Variants in CDH7 observed in about 807,000 individuals in gnomAD.
CDH7 encodes cadherin-7.
CDH7 carries 25 observed loss-of-function variants against 71.8 expected under a neutral mutation model. That is an observed-to-expected ratio of 0.35 (90% CI 0.25 to 0.49). The LOEUF is 0.49. Among genes scored for constraint, CDH7 ranks in the 20% least tolerant of loss-of-function variants. The probability of loss-of-function intolerance (pLI) is 0.99; values close to 1 mark genes in which losing one functional copy is unlikely to be tolerated. For synonymous variants in CDH7, 381 were observed against 363.8 expected (o/e 1.05, Z -0.54); for missense variants, 862 against 974.6 (o/e 0.88, Z 1.54).
intron 2 of CDH7, among the ~76,000 whole-genome samples, chr18:65,768,089 T>A (rs867688443): frequency 2.6e-5 from 4 of 152,216 alleles, no homozygotes; most frequent in Non-Finnish European, 5.9e-5. Flanking sequence ...TTCCTGATTG[T>A]CTGTGTATGT....
At chr18:65,824,559 A>G in intron 5 of CDH7, 85 bp from the exon 6 acceptor site, 1 of 842,058 alleles carries the variant, frequency 1.2e-6, no homozygotes, top group Non-Finnish European at 1.8e-6. Context: ...AAGTTGTGCT[A>G]CAATGATGCC....
chr18:65,796,894 AAG>A (rs1910936917), intron 2 of CDH7, among the ~76,000 whole-genome samples: 2 of 152,308 alleles, frequency 1.3e-5, no homozygotes, highest in South Asian at 4.2e-4. Context: ...AGAAGGAGTG[AAG>A]AGTCAAACTG....
intron 11 of CDH7, among the ~76,000 whole-genome samples, chr18:65,869,545 A>ATTTTTTTTTTTT (rs10696115): frequency 7.2e-4 from 66 of 91,376 alleles, no homozygotes; most frequent in African/African-American, 1.2e-3. Flanking sequence ...AAGTGGGTCA[A>ATTTTTTTTTTTT]TTTTTTTTTT....
chr18:65,818,661 T>C (rs991019833), intron 4 of CDH7, among the ~76,000 whole-genome samples: 9 of 152,198 alleles, frequency 5.9e-5, no homozygotes, highest in Non-Finnish European at 7.3e-5. Context: ...AGAAACTGAT[T>C]ACATAAATAC....
chr18:65,861,025 G>T lies in CDH7; in HGVS notation c.1612+1200G>T, dbSNP rs191875920. 1.1e-4 allele frequency among the ~76,000 whole-genome samples: 16 copies of T among 152,232 alleles called. No homozygotes were observed. The East Asian group carries it at 2.9e-3, about 28-fold the overall frequency. ...TTCATCTGGTACAAGTGCAGAGAAG[G>T]GAATTTATGAACTTCACAAGGAGAA... On this transcript the variant is annotated intron_variant, in intron 10 of 11. Coordinates refer to ENST00000397968, the MANE Select transcript of CDH7 (RefSeq NM_004361.5).
Position 65,757,061 on chromosome 18 carries a change from A to G in CDH7, c.-196-5586A>G, listed in dbSNP as rs570208347. ...GCATAACAGTTTTTTTTTTTTTTGC[A>G]TGAAAGGACCTTTAGTCATTGTTTG... On this transcript the variant is annotated intron_variant, in intron 1 of 11. Coordinates refer to ENST00000397968, the MANE Select transcript of CDH7 (RefSeq NM_004361.5). Among the ~76,000 whole-genome samples the G allele has an allele frequency of 3.0e-3, 430 of 144,616 alleles. 3 individuals are homozygous for G. The highest frequency in any genetic ancestry group is 0.011 in the African/African-American group (418 of 38,094). 94.9% of individuals were successfully genotyped at this position (144,616 alleles called of 152,430 possible).
At chr18:65,757,994 T>C (rs1211026545) in intron 1 of CDH7, among the ~76,000 whole-genome samples, 1 of 152,162 alleles carries the variant, frequency 6.6e-6, no homozygotes, top group African/African-American at 2.4e-5. Flanking sequence ...TGTTTTTGCT[T>C]TAGGCACAGA....
chr18:65,829,775 A>AGTGTGTGTGTGTGTGT (rs3061822), intron 6 of CDH7, among the ~76,000 whole-genome samples: 1 of 138,124 alleles, frequency 7.2e-6, no homozygotes, highest in African/African-American at 2.7e-5. Flanking sequence ...CAAGGAAGGG[A>AGTGTGTGTGTGTGTGT]GTGTGTGTGT....
At chr18:65,866,869 C>T (rs1465326736) in intron 11 of CDH7, among the ~76,000 whole-genome samples, 1 of 151,854 alleles carries the variant, frequency 6.6e-6, no homozygotes, top group African/African-American at 2.4e-5. Context: ...AAAAAAAAAT[C>T]CAAAAATTAG....
intron 2 of CDH7, among the ~76,000 whole-genome samples, chr18:65,807,343 C>G (rs1895348489): frequency 6.6e-6 from 1 of 152,062 alleles, no homozygotes; most frequent in Non-Finnish European, 1.5e-5. Context: ...GTCTCTCATA[C>G]TTGGAATACC....
At chr18:65,855,826 T>A (rs964486283) in intron 7 of CDH7, among the ~76,000 whole-genome samples, 1 of 152,114 alleles carries the variant, frequency 6.6e-6, no homozygotes, top group Non-Finnish European at 1.5e-5. Context: ...CATGCAAATA[T>A]TTTCCACAGA....
intron 2 of CDH7, among the ~76,000 whole-genome samples, chr18:65,802,602 A>G (rs1911164877): frequency 6.6e-6 from 1 of 152,184 alleles, no homozygotes; most frequent in East Asian, 1.9e-4. Flanking sequence ...CATGGAGTTT[A>G]CAACTAAGAG....
At chr18:65,753,629 T>C (rs1915947579) in intron 1 of CDH7, among the ~76,000 whole-genome samples, 1 of 152,266 alleles carries the variant, frequency 6.6e-6, no homozygotes, top group East Asian at 1.9e-4. Context: ...GGTGGGGTGA[T>C]AAAGGGGAGC....
rs566268317 is a variant in CDH7, at chr18:65,869,917, AC to A, written c.1864+7003del. On this transcript the variant is annotated intron_variant, in intron 11 of 11. Transcript: ENST00000397968. ...TTACCCATAGGATTATCTCCATTAG[AC>A]CCTATTTTTTCTATTTCCCAAGACG... is the stretch of plus-strand genomic sequence containing the variant. 5.3e-5 allele frequency among the ~76,000 whole-genome samples: 8 copies of A among 151,976 alleles called. No homozygotes were observed. The East Asian group carries it at 1.5e-3, about 29-fold the overall frequency.
intron 2 of CDH7, among the ~76,000 whole-genome samples, chr18:65,781,820 T>TCTCTCTCTCTCTCTGTC (rs1568181501): frequency 1.7e-5 from 1 of 58,382 alleles, no homozygotes; most frequent in African/African-American, 1.3e-4. Flanking sequence ...CCTTCCTTCC[T>TCTCTCTCTCTCTCTGTC]TCTTTCTTTC....
intron 2 of CDH7, among the ~76,000 whole-genome samples, chr18:65,809,108 A>G (rs1479626140): frequency 6.6e-6 from 1 of 152,132 alleles, no homozygotes; most frequent in Non-Finnish European, 1.5e-5. Flanking sequence ...CCTACTTGAG[A>G]GAGCAGTGTC....
At chr18:65,837,081 A>C (rs530518650) in intron 6 of CDH7, among the ~76,000 whole-genome samples, 1 of 152,158 alleles carries the variant, frequency 6.6e-6, no homozygotes, top group Non-Finnish European at 1.5e-5. Flanking sequence ...TATTGTTTAT[A>C]TATTATCTTT....
chr18:65,860,028 C>A (rs1913507933), intron 10 of CDH7, among the ~76,000 whole-genome samples: 1 of 151,994 alleles, frequency 6.6e-6, no homozygotes, highest in Non-Finnish European at 1.5e-5. Flanking sequence ...AGGCCTAAAG[C>A]CAAATAGGAG....
chr18:65,838,071 C>A (rs182314815), intron 6 of CDH7, among the ~76,000 whole-genome samples: 1 of 151,978 alleles, frequency 6.6e-6, no homozygotes, highest in Admixed American at 6.6e-5. Context: ...ATTACAGGCA[C>A]GTGCCACCAT....
Sources: allele counts gnomAD v4.1 joint callset (sites outside exome capture counted in the v4.1 genomes callset), GRCh38; gene constraint gnomAD v4.1.1; transcripts MANE v1.5; gene names NCBI Gene and HGNC (gene_info 2026-07-23, HGNC 2026-07-21).